The following PGBD5 variants were observed in gnomAD, a reference collection of about 807,000 sequenced individuals.
The protein encoded by PGBD5 is piggyBac transposable element derived 5.
A neutral mutation model predicts 47.9 loss-of-function variants in PGBD5; 14 were observed. That is an observed-to-expected ratio of 0.29 (90% CI 0.19 to 0.46). The LOEUF (loss-of-function observed/expected upper bound fraction) is 0.46. Ranked by LOEUF, PGBD5 falls within the 20% of genes least tolerant of loss-of-function variation. The pLI is 1.00. For synonymous variants in PGBD5, 316 were observed against 306.3 expected, an observed-to-expected ratio of 1.03 and a Z score of -0.33; for missense variants, 635 against 716.0, an observed-to-expected ratio of 0.89 and a Z score of 1.29.
chr1:230,347,572 C>G (rs1375288198), intron 3 of PGBD5, among the ~76,000 whole-genome samples: 1 of 151,428 alleles, frequency 6.6e-6, no homozygotes, highest in Non-Finnish European at 1.5e-5. Flanking sequence ...CTCCGCCTCC[C>G]AGGTTCAAGC....
At chr1:230,351,292 A>T (rs1449793524) in intron 2 of PGBD5, among the ~76,000 whole-genome samples, 200 bp from the exon 3 acceptor site, 10 of 152,254 alleles carry the variant, frequency 6.6e-5, no homozygotes, top group Admixed American at 6.5e-4. Context: ...GAAAGGATGC[A>T]GTAAGAAAGG....
intron 4 of PGBD5, among the ~76,000 whole-genome samples, chr1:230,335,654 A>C (rs62649455): frequency 0.87 from 45,442 of 52,436 alleles, 20,766 homozygotes; most frequent in Non-Finnish European, 1. Context: ...CAGACGCACA[A>C]ACAGACACAC....
In PGBD5 at chr1:230,387,926, T is replaced by A. The variant is rs1438082996; in HGVS notation, c.332-30605A>T. On this transcript the variant is annotated intron_variant, in intron 1 of 6. Transcript: ENST00000391860. ...TTGGAGGGGAAGTTACGTGGAGGGA[T>A]GTGGCAGCAAAGGAGGGGCTGTGTA... 3.9e-5 allele frequency among the ~76,000 whole-genome samples: 6 copies of A among 152,204 alleles called. No homozygotes were observed. In the South Asian group the frequency reaches 1.0e-3, roughly 26 times the overall value.
Position 230,426,069 on chromosome 1 carries a change from C to G in PGBD5, c.-141G>C, listed in dbSNP as rs1657778258. ...CCCGCCGCCCCGTGCCCGGCCGGCC[C>G]GCCGTCTTGGCCGCCTCGGGCCCAG... is the stretch of plus-strand genomic sequence containing the variant. On this transcript the variant is annotated 5_prime_UTR_variant, in exon 1 of 7. Transcript: ENST00000391860. 3.3e-6 allele frequency: 1 copy of G among 300,084 alleles called. No homozygotes were observed. Among genetic ancestry groups the G allele is most frequent in the South Asian group, 1.2e-4 (1 of 8,486 alleles). The allele number at this position is 300,084 out of a possible 1,614,324, so 18.6% of individuals were successfully genotyped here.
intron 1 of PGBD5, among the ~76,000 whole-genome samples, chr1:230,408,257 T>C (rs1192383242): frequency 6.6e-6 from 1 of 152,230 alleles, no homozygotes; most frequent in Non-Finnish European, 1.5e-5. Context: ...GGCAGTACTC[T>C]TGTATCCTAG....
intron 1 of PGBD5, among the ~76,000 whole-genome samples, chr1:230,402,966 C>A (rs1657180348): frequency 6.6e-6 from 1 of 152,232 alleles, no homozygotes; most frequent in South Asian, 2.1e-4. Context: ...ATCCAAGCAA[C>A]TACAAGATCA....
Position 230,314,679 on chromosome 1 carries a change from G to C in PGBD5, c.*8746C>G, listed in dbSNP as rs1051819. 3 of 147,086 alleles carry C rather than the reference G, an allele frequency of 2.0e-5. No individual in the cohort carries two copies. Among genetic ancestry groups the C allele is most frequent in the Non-Finnish European group, 4.4e-5 (3 of 67,488 alleles). The allele number at this position is 147,086 out of a possible 1,614,324, so 9.1% of individuals were successfully genotyped here. ...ATTTGTAAAAATTTATTGCCTTGGC[G>C]TAAAGTGACAATCATGCCTTGGCGT... On this transcript the variant is annotated 3_prime_UTR_variant, in exon 7 of 7. Transcript: ENST00000391860.
At chr1:230,368,164 TGGA>T (rs762230602) in intron 1 of PGBD5, 109 of 1,365,436 alleles carry the variant, frequency 8.0e-5, no homozygotes, top group Non-Finnish European at 1.0e-4. Flanking sequence ...AGGAATAAGG[TGGA>T]GGAGAGAGAA....
At chr1:230,396,549 A>AG (rs1656983165) in intron 1 of PGBD5, among the ~76,000 whole-genome samples, 1 of 137,768 alleles carries the variant, frequency 7.3e-6, no homozygotes, top group African/African-American at 2.8e-5. Context: ...CAGCTAAGGT[A>AG]CATTTTGTTG....
At chr1:230,418,526 G>A (rs1022582740) in intron 1 of PGBD5, among the ~76,000 whole-genome samples, 7 of 152,104 alleles carry the variant, frequency 4.6e-5, no homozygotes, top group South Asian at 2.1e-4. Context: ...TCGAGATGGG[G>A]TCTCACTCTG....
At chr1:230,369,274 G>GTT in intron 1 of PGBD5, among the ~76,000 whole-genome samples, 1 of 152,358 alleles carries the variant, frequency 6.6e-6, no homozygotes, top group Admixed American at 6.5e-5. Flanking sequence ...CAATGTCAAG[G>GTT]TTATACATTA....
intron 1 of PGBD5, among the ~76,000 whole-genome samples, chr1:230,364,077 TCACGAGTG>T (rs1667789957): frequency 6.6e-6 from 1 of 152,248 alleles, no homozygotes; most frequent in African/African-American, 2.4e-5. Flanking sequence ...AGTCACTCAG[TCACGAGTG>T]CCTCAAAGAC....
Position 230,323,272 on chromosome 1 carries a change from C to T in PGBD5, c.*153G>A. On this transcript the variant is annotated 3_prime_UTR_variant, in exon 7 of 7. Transcript: ENST00000391860. The surrounding 1 kb of genome is among the most constrained non-coding windows in gnomAD (Gnocchi z 4.1). ...ATGAGGACAGCAACCGTCCTCTGAC[C>T]AGGTCCATCCTGTCCCTCCAGAGGC... is the stretch of plus-strand genomic sequence containing the variant. The T allele has an allele frequency of 2.5e-6, 2 of 798,032 alleles. No homozygotes were observed. Among genetic ancestry groups the T allele is most frequent in the Non-Finnish European group, 3.9e-6 (2 of 516,660 alleles). 49.4% of individuals were successfully genotyped at this position (798,032 alleles called of 1,614,324 possible). A position where few individuals can be genotyped will look rare whatever the true frequency, so the allele number is the denominator to read the frequency against.
intron 1 of PGBD5, among the ~76,000 whole-genome samples, chr1:230,382,736 AT>A (rs1656535274): frequency 6.6e-6 from 1 of 152,158 alleles, no homozygotes; most frequent in African/African-American, 2.4e-5. Context: ...ATACACATTT[AT>A]TTAATGTATA....
intron 1 of PGBD5, chr1:230,362,300 C>T (rs778917389): frequency 1.1e-5 from 15 of 1,367,612 alleles, no homozygotes; most frequent in East Asian, 4.5e-5. Flanking sequence ...AGTTTCCCCA[C>T]GGGTGTGCAG....
chr1:230,375,393 A>G (rs1461924899), intron 1 of PGBD5, among the ~76,000 whole-genome samples: 1 of 152,134 alleles, frequency 6.6e-6, no homozygotes, highest in East Asian at 1.9e-4. Context: ...TTGCTGGTGG[A>G]GGGCGGTGGG....
chr1:230,347,445 C>T (rs1373470396), intron 3 of PGBD5, among the ~76,000 whole-genome samples: 2 of 150,394 alleles, frequency 1.3e-5, no homozygotes, highest in South Asian at 2.1e-4. Context: ...CCCTTTTTCT[C>T]GGGGCACAGC....
intron 1 of PGBD5, among the ~76,000 whole-genome samples, chr1:230,398,241 G>C (rs1657048859): frequency 6.6e-6 from 1 of 152,168 alleles, no homozygotes; most frequent in African/African-American, 2.4e-5. Flanking sequence ...ACAGAACGGT[G>C]GCTTAAACAA....
intron 1 of PGBD5, among the ~76,000 whole-genome samples, chr1:230,422,287 G>A (rs533405209): frequency 6.6e-6 from 1 of 152,160 alleles, no homozygotes; most frequent in African/African-American, 2.4e-5. Flanking sequence ...TCCGAGAAAC[G>A]AATCACAAGA....
Sources: allele counts gnomAD v4.1 joint callset (sites outside exome capture counted in the v4.1 genomes callset), GRCh38; gene constraint gnomAD v4.1.1; non-coding constraint Gnocchi (gnomAD v3.1); transcripts MANE v1.5; gene names NCBI Gene and HGNC (gene_info 2026-07-23, HGNC 2026-07-21).